KCNIP4: variants seen among roughly 807,000 people sequenced by gnomAD.
KCNIP4 encodes the protein Kv channel-interacting protein 4.
KCNIP4 carries 12 observed loss-of-function variants against 34.0 expected under a neutral mutation model. The observed-to-expected ratio is 0.35, with a 90% CI of 0.23 to 0.57. The LOEUF is 0.57. KCNIP4 is among the 20% of genes least tolerant of loss of function. The pLI, the probability that KCNIP4 is intolerant of heterozygous loss-of-function variation, is 0.83. For missense variants in KCNIP4, 238 were observed against 311.7 expected (o/e 0.76, Z 1.78); for synonymous variants, 124 against 102.2 (o/e 1.21, Z -1.29).
intron 1 of KCNIP4, among the ~76,000 whole-genome samples, chr4:21,348,575 A>G (rs1481555709): frequency 6.6e-6 from 1 of 152,172 alleles, no homozygotes; most frequent in East Asian, 1.9e-4. Context: ...GCTTCAGCTA[A>G]CTCATTCCAA....
At chr4:21,853,175 T>G (rs1448451208) in intron 1 of KCNIP4, 1 of 152,210 alleles carries the variant, frequency 6.6e-6, no homozygotes, top group East Asian at 1.9e-4. Flanking sequence ...TTCAGCTTCC[T>G]GCCAGACTCA....
intron 1 of KCNIP4, among the ~76,000 whole-genome samples, chr4:21,884,841 C>G (rs538127808): frequency 1.3e-5 from 2 of 152,166 alleles, no homozygotes; most frequent in Admixed American, 1.3e-4. Flanking sequence ...CAGTCACTGC[C>G]TTCCCTCTTC....
At chr4:21,881,053 A>G (rs1253365451) in intron 1 of KCNIP4, among the ~76,000 whole-genome samples, 1 of 152,182 alleles carries the variant, frequency 6.6e-6, no homozygotes, top group Non-Finnish European at 1.5e-5. Flanking sequence ...TTGTTGGAGT[A>G]TAGTTCATTT....
intron 1 of KCNIP4, among the ~76,000 whole-genome samples, chr4:20,919,315 G>A (rs753509264): frequency 2.6e-5 from 4 of 151,984 alleles, no homozygotes; most frequent in Non-Finnish European, 4.4e-5. Context: ...ACGAATGTGT[G>A]TGGATGATGG....
At chr4:20,787,493 TA>T (rs1712164949) in intron 3 of KCNIP4, among the ~76,000 whole-genome samples, 1 of 152,150 alleles carries the variant, frequency 6.6e-6, no homozygotes, top group South Asian at 2.1e-4. Flanking sequence ...ATATTGATTT[TA>T]TTTTTGGCGC....
At chr4:21,191,050 G>A (rs1044674346) in intron 1 of KCNIP4, among the ~76,000 whole-genome samples, 16 of 152,284 alleles carry the variant, frequency 1.1e-4, no homozygotes, top group Admixed American at 8.5e-4. Flanking sequence ...ATCTGCTAGC[G>A]TTATTTTTTC....
intron 1 of KCNIP4, among the ~76,000 whole-genome samples, chr4:21,003,991 T>C (rs573177933): frequency 7.9e-5 from 12 of 152,194 alleles, no homozygotes; most frequent in African/African-American, 2.9e-4. Context: ...GTATGGAGTA[T>C]TGAGGTTATG....
chr4:21,046,597 T>TTATTTATC (rs56744953), intron 1 of KCNIP4, among the ~76,000 whole-genome samples: 1 of 151,828 alleles, frequency 6.6e-6, no homozygotes, highest in African/African-American at 2.4e-5. Context: ...ATTTATTTAT[T>TTATTTATC]TATTTATTTT....
chr4:21,319,374 C>A (rs902900821), intron 1 of KCNIP4, among the ~76,000 whole-genome samples: 1 of 152,232 alleles, frequency 6.6e-6, no homozygotes, highest in Non-Finnish European at 1.5e-5. Flanking sequence ...TTGCTGTGAA[C>A]TTATGCTGCA....
chr4:20,849,512 T>C (rs1246016511), intron 3 of KCNIP4, among the ~76,000 whole-genome samples: 1 of 152,178 alleles, frequency 6.6e-6, no homozygotes, highest in Non-Finnish European at 1.5e-5. Flanking sequence ...TCATATCTAG[T>C]CTGCATAAGG....
intron 1 of KCNIP4, among the ~76,000 whole-genome samples, chr4:21,475,846 T>C (rs1210542960): frequency 6.6e-6 from 1 of 152,240 alleles, no homozygotes; most frequent in Non-Finnish European, 1.5e-5. Context: ...AAAATCTAGC[T>C]GGTATAACCA....
chr4:21,616,612 TG>T, intron 1 of KCNIP4, among the ~76,000 whole-genome samples: 1 of 152,238 alleles, frequency 6.6e-6, no homozygotes, highest in East Asian at 1.9e-4. Context: ...CTGAAATCTG[TG>T]GGGAGACTCC....
In KCNIP4 at chr4:20,877,507, A is replaced by G. The variant is rs572988718; in HGVS notation, c.163+5101T>C. Among the ~76,000 whole-genome samples, 3 of 152,178 alleles carry G rather than the reference A, an allele frequency of 2.0e-5. No individual in the cohort carries two copies. The East Asian group carries it at 5.8e-4, about 29-fold the overall frequency. ...GTTTCTGATTTCAGATTTTTTTCAG[A>G]AGCTCTGTGATTTTGAGCAAATAAT... On this transcript the variant is annotated intron_variant, in intron 2 of 8. Coordinates refer to ENST00000382152, the MANE Select transcript of KCNIP4 (RefSeq NM_025221.6).
chr4:20,885,788 T>C (rs531835591), intron 1 of KCNIP4, among the ~76,000 whole-genome samples: 1 of 152,288 alleles, frequency 6.6e-6, no homozygotes, highest in African/African-American at 2.4e-5. Context: ...CAAACAAATA[T>C]TAATCATTTT....
At chr4:21,145,802 G>T (rs1752300701) in intron 1 of KCNIP4, among the ~76,000 whole-genome samples, 1 of 152,164 alleles carries the variant, frequency 6.6e-6, no homozygotes, top group South Asian at 2.1e-4. Context: ...CAAGTATCAG[G>T]AGTACACAGG....
At chr4:21,809,346 G>A (rs187928351) in intron 1 of KCNIP4, among the ~76,000 whole-genome samples, 123 of 152,212 alleles carry the variant, frequency 8.1e-4, no homozygotes, top group African/African-American at 7.2e-4. Context: ...CCCCAGTGCC[G>A]CTAACCCCTA....
At position 21,794,238 on chromosome 4, in the gene KCNIP4, G is replaced by A. The variant is rs143408733; in HGVS notation, c.61+154333C>T. The stretch of plus-strand genomic sequence containing the variant: ...GCATACTTAGGTAACAAACCTGCAC[G>A]TTGTGCACATGTACCCCAAAACTTA... On this transcript the variant is annotated intron_variant, in intron 1 of 8. Coordinates refer to ENST00000382152, the MANE Select transcript of KCNIP4 (RefSeq NM_025221.6). Among the ~76,000 whole-genome samples, 454 of 152,024 alleles carry A rather than the reference G, an allele frequency of 3.0e-3. 3 individuals carry two copies. Among genetic ancestry groups the A allele is most frequent in the African/African-American group, 0.01 (427 of 41,460 alleles).
intron 1 of KCNIP4, among the ~76,000 whole-genome samples, chr4:21,280,953 A>G (rs527781248): frequency 6.6e-6 from 1 of 152,200 alleles, no homozygotes; most frequent in Non-Finnish European, 1.5e-5. Context: ...AATTAAATAC[A>G]AGAAAGAAAA....
At chr4:21,777,746 C>G (rs1386995622) in intron 1 of KCNIP4, among the ~76,000 whole-genome samples, 2 of 152,164 alleles carry the variant, frequency 1.3e-5, no homozygotes, top group African/African-American at 2.4e-5. Context: ...TTAATCAGCT[C>G]ATTAAAAACA....
Sources: allele counts gnomAD v4.1 joint callset (sites outside exome capture counted in the v4.1 genomes callset), GRCh38; gene constraint gnomAD v4.1.1; transcripts MANE v1.5; gene names NCBI Gene and HGNC (gene_info 2026-07-23, HGNC 2026-07-21).